Variants in DOCK3 observed in about 807,000 individuals in gnomAD.
The protein encoded by DOCK3 is dedicator of cytokinesis protein 3.
In DOCK3, 60 loss-of-function variants were observed where a neutral mutation model predicts 265.6. The observed-to-expected ratio is 0.23, with a 90% CI of 0.18 to 0.28. The LOEUF (loss-of-function observed/expected upper bound fraction) is 0.28. Ranked by LOEUF, DOCK3 falls within the 10% of genes least tolerant of loss-of-function variation. The probability of loss-of-function intolerance (pLI) is 1.00; values close to 1 mark genes in which losing one functional copy is unlikely to be tolerated. For synonymous variants in DOCK3, 881 were observed against 938.0 expected (o/e 0.94, Z 1.11); for missense variants, 1,981 against 2,594.3 (o/e 0.76, Z 5.14).
chr3:51,198,022 C>T (rs1222463688), intron 12 of DOCK3, among the ~76,000 whole-genome samples: 2 of 152,210 alleles, frequency 1.3e-5, no homozygotes, highest in African/African-American at 4.8e-5. Flanking sequence ...TGCTTCTTAG[C>T]TCTGGCTGTA....
chr3:51,280,069 T>C (rs1180386697), intron 26 of DOCK3, 37 bp from the exon 27 acceptor site: 1 of 1,574,880 alleles, frequency 6.3e-7, no homozygotes, highest in South Asian at 1.1e-5. Flanking sequence ...GCCCTTGCAA[T>C]TGGCCATGCT....
chr3:50,946,094 T>TA (rs35670695), intron 5 of DOCK3, among the ~76,000 whole-genome samples: 72,140 of 91,594 alleles, frequency 0.79, 29,297 homozygotes, highest in Non-Finnish European at 0.9. Flanking sequence ...CCCCATCTCT[T>TA]AAAAAAAAAA....
At chr3:51,269,450 A>G (rs747190655) in intron 23 of DOCK3, among the ~76,000 whole-genome samples, 6 of 152,144 alleles carry the variant, frequency 3.9e-5, no homozygotes, top group Non-Finnish European at 8.8e-5. Context: ...CTGCAAAACA[A>G]TCTCCTTGAT....
intron 7 of DOCK3, among the ~76,000 whole-genome samples, chr3:51,085,018 G>A (rs2082370244): frequency 1.3e-5 from 2 of 152,070 alleles, no homozygotes; most frequent in African/African-American, 4.8e-5. Context: ...CCTAAAGCAT[G>A]CAATAATAGC....
chr3:51,225,610 T>C, intron 14 of DOCK3, 39 bp from the exon 15 acceptor site: 1 of 1,591,296 alleles, frequency 6.3e-7, no homozygotes, highest in East Asian at 2.2e-5. Context: ...GCAGTATGGC[T>C]TCTGGAGTCA....
chr3:50,801,025 C>A (rs1447457038), intron 2 of DOCK3, among the ~76,000 whole-genome samples: 1 of 152,052 alleles, frequency 6.6e-6, no homozygotes, highest in Non-Finnish European at 1.5e-5. Flanking sequence ...TGAGAAGATA[C>A]TTGGTATGAT....
chr3:51,257,876 G>T (rs2079636481), intron 22 of DOCK3, among the ~76,000 whole-genome samples: 1 of 152,158 alleles, frequency 6.6e-6, no homozygotes, highest in Non-Finnish European at 1.5e-5. Flanking sequence ...AGTTGAATCT[G>T]TCAGAGGTGG....
At chr3:50,970,933 ATATATATATATATAATGTG>A (rs2077201805) in intron 5 of DOCK3, among the ~76,000 whole-genome samples, 2 of 72,958 alleles carry the variant, frequency 2.7e-5, no homozygotes, top group African/African-American at 1.2e-4. Context: ...ATATATATAT[ATATATATATATATAATGTG>A]TGTGTGTGTG....
intron 19 of DOCK3, among the ~76,000 whole-genome samples, chr3:51,233,348 ATCTATCTATCTAT>A (rs767399003): frequency 0.32 from 25,883 of 81,200 alleles, 2,612 homozygotes; most frequent in South Asian, 0.51. Context: ...CTATCTATCT[ATCTATCTATCTAT>A]TTATTTATTT....
At chr3:50,913,478 C>A (rs4447760) in intron 4 of DOCK3, among the ~76,000 whole-genome samples, 3 of 151,830 alleles carry the variant, frequency 2.0e-5, no homozygotes, top group Admixed American at 2.0e-4. Flanking sequence ...TTAGGTGTCA[C>A]GCACCTCTCC....
At chr3:50,927,350 G>C (rs2108097568) in intron 4 of DOCK3, among the ~76,000 whole-genome samples, 1 of 152,306 alleles carries the variant, frequency 6.6e-6, no homozygotes, top group South Asian at 2.1e-4. Context: ...CTAGTCGTTT[G>C]ATAGCACAAC....
At chr3:51,320,499 G>A (rs1384182859) in intron 32 of DOCK3, among the ~76,000 whole-genome samples, 1 of 152,128 alleles carries the variant, frequency 6.6e-6, no homozygotes, top group Admixed American at 6.5e-5. Context: ...CTGGAAAGGG[G>A]GCTAAAGCCA....
chr3:51,149,625 T>G (rs1204112169), intron 10 of DOCK3, among the ~76,000 whole-genome samples: 1 of 152,204 alleles, frequency 6.6e-6, no homozygotes, highest in African/African-American at 2.4e-5. Flanking sequence ...TGGTTCTGTT[T>G]ATATGCTGGA....
chr3:51,266,752 A>C (rs2080194395), intron 23 of DOCK3, among the ~76,000 whole-genome samples: 2 of 152,242 alleles, frequency 1.3e-5, no homozygotes, highest in South Asian at 4.1e-4. Context: ...AATACCATTC[A>C]GGACATAGGC....
At chr3:51,305,007 T>C (rs528012873) in intron 27 of DOCK3, among the ~76,000 whole-genome samples, 1 of 152,348 alleles carries the variant, frequency 6.6e-6, no homozygotes, top group Non-Finnish European at 1.5e-5. Flanking sequence ...TATTTTTCCT[T>C]CTATGTGCAT....
chr3:50,759,856 A>T (rs1343420369), intron 1 of DOCK3, among the ~76,000 whole-genome samples: 2 of 1,516 alleles, frequency 1.3e-3, no homozygotes, highest in African/African-American at 1.4e-3. Flanking sequence ...AGATATTATT[A>T]AAAAAAAAAA....
intron 2 of DOCK3, among the ~76,000 whole-genome samples, chr3:50,828,040 G>A (rs2044875450): frequency 6.6e-6 from 1 of 151,102 alleles, no homozygotes; most frequent in South Asian, 2.1e-4. Flanking sequence ...CTGCCTCCAT[G>A]GCCTCAGCTT....
At chr3:50,740,053 C>T (rs964622730) in intron 1 of DOCK3, among the ~76,000 whole-genome samples, 2 of 152,052 alleles carry the variant, frequency 1.3e-5, no homozygotes, top group Admixed American at 1.3e-4. Context: ...AACTACTTAC[C>T]TGCTCTCTGT....
At chr3:51,109,119 G>A (rs577846697) in intron 9 of DOCK3, among the ~76,000 whole-genome samples, 14 of 152,048 alleles carry the variant, frequency 9.2e-5, no homozygotes, top group East Asian at 7.7e-4. Context: ...TAACTACACC[G>A]TTAGACATAA....
Sources: allele counts gnomAD v4.1 joint callset (sites outside exome capture counted in the v4.1 genomes callset), GRCh38; gene constraint gnomAD v4.1.1; transcripts MANE v1.5; gene names NCBI Gene and HGNC (gene_info 2026-07-23, HGNC 2026-07-21).